MAPK4: variants seen among roughly 807,000 people sequenced by gnomAD.
MAPK4 encodes Erk3-related.
MAPK4 carries 22 observed loss-of-function variants against 47.7 expected under a neutral mutation model. That is an observed-to-expected ratio of 0.46 (90% CI 0.33 to 0.66). The LOEUF (loss-of-function observed/expected upper bound fraction) is 0.66. Among genes scored for constraint, MAPK4 ranks in the 30% least tolerant of loss-of-function variants. The probability of loss-of-function intolerance (pLI) is 0.02; values close to 1 mark genes in which losing one functional copy is unlikely to be tolerated. For synonymous variants in MAPK4, 390 were observed against 365.7 expected (o/e 1.07, Z -0.76); for missense variants, 736 against 831.7 (o/e 0.88, Z 1.42).
intron 1 of MAPK4, among the ~76,000 whole-genome samples, chr18:50,619,508 T>A (rs989421774): frequency 6.6e-6 from 1 of 152,024 alleles, no homozygotes; most frequent in Non-Finnish European, 1.5e-5. Flanking sequence ...TTATTTTTTT[T>A]AATAGAGACA....
intron 1 of MAPK4, among the ~76,000 whole-genome samples, chr18:50,573,375 C>T (rs375660672): frequency 2.0e-5 from 3 of 152,316 alleles, no homozygotes; most frequent in Admixed American, 6.5e-5. Context: ...TCTCTATTTA[C>T]AGCCGCTCCC....
intron 2 of MAPK4, among the ~76,000 whole-genome samples, chr18:50,697,907 T>C (rs1026581709): frequency 1.9e-4 from 29 of 152,210 alleles, no homozygotes; most frequent in African/African-American, 6.3e-4. Flanking sequence ...AGGCCTTCTT[T>C]ACTCACTTCA....
chr18:50,615,203 G>T (rs112838532), intron 1 of MAPK4, among the ~76,000 whole-genome samples: 77 of 152,158 alleles, frequency 5.1e-4, no homozygotes, highest in African/African-American at 1.2e-3. Flanking sequence ...AATTGTGTTG[G>T]GGGGGGAGAT....
intron 2 of MAPK4, among the ~76,000 whole-genome samples, chr18:50,675,315 C>A (rs1013399022): frequency 6.7e-6 from 1 of 149,566 alleles, no homozygotes; most frequent in South Asian, 2.1e-4. Context: ...CTTGGCAAAC[C>A]ATTTTTTTTT....
intron 2 of MAPK4, among the ~76,000 whole-genome samples, chr18:50,712,353 G>A (rs1910416037): frequency 6.6e-6 from 1 of 152,118 alleles, no homozygotes; most frequent in South Asian, 2.1e-4. Flanking sequence ...CGTGAGCCTG[G>A]GAGGCAGAGG....
chr18:50,606,255 T>G (rs1766295357), intron 1 of MAPK4, among the ~76,000 whole-genome samples: 1 of 151,752 alleles, frequency 6.6e-6, no homozygotes, highest in Admixed American at 6.6e-5. Context: ...CAAAGAACAG[T>G]GGGGGAATAT....
chr18:50,567,059 T>A (rs1163055322), intron 1 of MAPK4, among the ~76,000 whole-genome samples: 2 of 152,230 alleles, frequency 1.3e-5, no homozygotes, highest in African/African-American at 4.8e-5. Context: ...GAACATAATT[T>A]TTTTTTGTCT....
intron 1 of MAPK4, among the ~76,000 whole-genome samples, chr18:50,612,401 T>C (rs949426454): frequency 1.7e-4 from 26 of 152,278 alleles, no homozygotes; most frequent in African/African-American, 5.5e-4. Context: ...TAATTCTAGG[T>C]CTTGGACATA....
chr18:50,623,675 C>G (rs2042751949), intron 1 of MAPK4, among the ~76,000 whole-genome samples: 1 of 152,228 alleles, frequency 6.6e-6, no homozygotes, highest in South Asian at 2.1e-4. Flanking sequence ...CTTTGCATTT[C>G]AGGAAATCAG....
At chr18:50,624,584 C>T (rs1598838313) in intron 1 of MAPK4, among the ~76,000 whole-genome samples, 1 of 152,090 alleles carries the variant, frequency 6.6e-6, no homozygotes, top group African/African-American at 2.4e-5. Context: ...AGGATGTTAC[C>T]AAAGTGTTAG....
intron 1 of MAPK4, among the ~76,000 whole-genome samples, chr18:50,651,968 C>A (rs979278068): frequency 6.6e-6 from 1 of 152,198 alleles, no homozygotes; most frequent in Admixed American, 6.5e-5. Context: ...CCCCTACAGC[C>A]CACTTAATTC....
chr18:50,585,156 C>T (rs1022929835), intron 1 of MAPK4, among the ~76,000 whole-genome samples: 6 of 152,194 alleles, frequency 3.9e-5, no homozygotes, highest in African/African-American at 9.7e-5. Flanking sequence ...GCTTGGGTGT[C>T]AGCCCCAGAG....
At chr18:50,688,019 G>T (rs1908985736) in intron 2 of MAPK4, among the ~76,000 whole-genome samples, 2 of 152,118 alleles carry the variant, frequency 1.3e-5, no homozygotes, top group African/African-American at 4.8e-5. Flanking sequence ...TCGGGGTCAG[G>T]GATTCTGCTG....
intron 1 of MAPK4, among the ~76,000 whole-genome samples, chr18:50,569,226 C>T (rs1270970822): frequency 6.6e-6 from 1 of 152,144 alleles, no homozygotes; most frequent in Non-Finnish European, 1.5e-5. Context: ...ATATTTTAGT[C>T]TCTGAAATCA....
At chr18:50,717,384 T>C (rs959691070) in intron 3 of MAPK4, among the ~76,000 whole-genome samples, 3 of 151,982 alleles carry the variant, frequency 2.0e-5, no homozygotes, top group African/African-American at 7.2e-5. Flanking sequence ...GGGAGCGTGT[T>C]TTCTCTTGGC....
chr18:50,726,805 C>T (rs1244520027), intron 5 of MAPK4, among the ~76,000 whole-genome samples: 1 of 150,838 alleles, frequency 6.6e-6, no homozygotes, highest in African/African-American at 2.5e-5. Flanking sequence ...AAGGCTGAGG[C>T]TGGGGAATCC....
intron 2 of MAPK4, among the ~76,000 whole-genome samples, chr18:50,712,543 A>AC (rs1910427941): frequency 3.3e-5 from 1 of 30,466 alleles, no homozygotes; most frequent in African/African-American, 7.4e-5. Flanking sequence ...CTTGTTTTTC[A>AC]TTAAAAAAAA....
At chr18:50,679,098 G>A (rs1255462177) in intron 2 of MAPK4, among the ~76,000 whole-genome samples, 1 of 152,190 alleles carries the variant, frequency 6.6e-6, no homozygotes, top group Non-Finnish European at 1.5e-5. Context: ...TGGAATTGGA[G>A]TCTGAGTTCC....
intron 1 of MAPK4, among the ~76,000 whole-genome samples, chr18:50,623,361 A>G (rs1000936294): frequency 4.0e-5 from 6 of 151,376 alleles, no homozygotes; most frequent in Admixed American, 6.6e-5. Context: ...ATTTTTCTAC[A>G]AATTCATTTA....
Sources: allele counts gnomAD v4.1 joint callset (sites outside exome capture counted in the v4.1 genomes callset), GRCh38; gene constraint gnomAD v4.1.1; transcripts MANE v1.5; gene names NCBI Gene and HGNC (gene_info 2026-07-23, HGNC 2026-07-21).